Variants in TTC28 observed in about 807,000 individuals in gnomAD.
The protein encoded by TTC28 is tetratricopeptide repeat protein 28.
TTC28 carries 61 observed loss-of-function variants against 198.0 expected under a neutral mutation model. That is an observed-to-expected ratio of 0.31 (90% CI 0.25 to 0.38). The LOEUF is 0.38. Ranked by LOEUF, TTC28 falls within the 10% of genes least tolerant of loss-of-function variation. The pLI is 1.00. For missense variants in TTC28, 2,678 were observed against 3,164.0 expected (o/e 0.85, Z 3.69); for synonymous variants, 1,171 against 1,297.8 (o/e 0.90, Z 2.10).
chr22:28,492,701 TAA>T (rs1243457654), intron 2 of TTC28, among the ~76,000 whole-genome samples: 3 of 152,146 alleles, frequency 2.0e-5, no homozygotes, highest in African/African-American at 7.2e-5. Flanking sequence ...CAAGTGCCTC[TAA>T]AAAATGATGA....
intron 2 of TTC28, among the ~76,000 whole-genome samples, chr22:28,544,268 T>G (rs559039595): frequency 6.6e-6 from 1 of 152,048 alleles, no homozygotes; most frequent in Non-Finnish European, 1.5e-5. Flanking sequence ...CTTGCATTCC[T>G]AGAATATTTC....
At chr22:28,474,623 G>A (rs1185608403) in intron 2 of TTC28, among the ~76,000 whole-genome samples, 1 of 152,190 alleles carries the variant, frequency 6.6e-6, no homozygotes, top group Non-Finnish European at 1.5e-5. Flanking sequence ...AGGCAGAAAA[G>A]TAGAAGAGTT....
intron 5 of TTC28, among the ~76,000 whole-genome samples, chr22:28,275,626 G>GA (rs1490722951): frequency 6.6e-6 from 1 of 151,232 alleles, no homozygotes; most frequent in Non-Finnish European, 1.5e-5. Flanking sequence ...TCTCTTTTAT[G>GA]AAAAAACATA....
intron 1 of TTC28, among the ~76,000 whole-genome samples, chr22:28,659,897 G>T (rs979151299): frequency 6.6e-6 from 1 of 150,944 alleles, no homozygotes; most frequent in Non-Finnish European, 1.5e-5. Context: ...CTCCTGGGCC[G>T]AACTGATCCT....
At chr22:28,316,887 C>T (rs1202890647) in intron 2 of TTC28, among the ~76,000 whole-genome samples, 1 of 152,142 alleles carries the variant, frequency 6.6e-6, no homozygotes, top group Non-Finnish European at 1.5e-5. Context: ...CCACTTAAGC[C>T]TCCTGCATAG....
intron 2 of TTC28, among the ~76,000 whole-genome samples, chr22:28,395,645 A>C (rs2046803862): frequency 6.6e-6 from 1 of 151,704 alleles, no homozygotes. Context: ...CAAAAAAAAA[A>C]AAACCAGCAA....
At chr22:28,254,476 G>A (rs1015280613) in intron 5 of TTC28, among the ~76,000 whole-genome samples, 1 of 145,042 alleles carries the variant, frequency 6.9e-6, no homozygotes. Context: ...TGTTTATTCA[G>A]GAATACTTAA....
At chr22:28,533,660 T>C (rs1479652048) in intron 2 of TTC28, among the ~76,000 whole-genome samples, 5 of 152,176 alleles carry the variant, frequency 3.3e-5, no homozygotes, top group African/African-American at 1.2e-4. Flanking sequence ...CTTCAAACTA[T>C]ACTACAAGGC....
intron 12 of TTC28, among the ~76,000 whole-genome samples, chr22:28,054,744 A>G (rs1298878311): frequency 1.3e-5 from 2 of 152,070 alleles, no homozygotes; most frequent in African/African-American, 4.8e-5. Flanking sequence ...GACAACCCAC[A>G]TCTTTCCCCA....
At chr22:28,135,523 G>C (rs987878378) in intron 6 of TTC28, among the ~76,000 whole-genome samples, 9 of 152,158 alleles carry the variant, frequency 5.9e-5, no homozygotes, top group Admixed American at 1.3e-4. Flanking sequence ...TGGCAGACAG[G>C]AGAAGGAGTT....
intron 6 of TTC28, among the ~76,000 whole-genome samples, chr22:28,138,154 A>T (rs1413405703): frequency 6.6e-6 from 1 of 152,176 alleles, no homozygotes; most frequent in Non-Finnish European, 1.5e-5. Flanking sequence ...CTCCTTAAAC[A>T]CTTTCTAACA....
intron 5 of TTC28, among the ~76,000 whole-genome samples, chr22:28,219,025 C>CT (rs1927632787): frequency 6.6e-6 from 1 of 151,868 alleles, no homozygotes; most frequent in Non-Finnish European, 1.5e-5. Flanking sequence ...CATGGATTCC[C>CT]TGAAAGGATC....
Position 28,094,780 on chromosome 22 carries a change from G to A in TTC28, c.3767-535C>T, listed in dbSNP as rs1237432926. On this transcript the variant is annotated intron_variant, in intron 11 of 22. Transcript: ENST00000397906. ...GACTAACTGGTCAATGGTCATTAATGAATTAAAGGAGCAAAAAATGATGGG... is the reference window on the plus strand; with the variant it reads ...GACTAACTGGTCAATGGTCATTAATAAATTAAAGGAGCAAAAAATGATGGG... 2.0e-5 allele frequency among the ~76,000 whole-genome samples: 3 copies of A among 152,136 alleles called. No individual in the cohort carries two copies. In the East Asian group the frequency reaches 5.8e-4, roughly 29 times the overall value.
intron 5 of TTC28, among the ~76,000 whole-genome samples, chr22:28,179,431 A>C (rs1231711546): frequency 6.6e-6 from 1 of 152,052 alleles, no homozygotes; most frequent in African/African-American, 2.4e-5. Context: ...AAGTGTTGGG[A>C]TTAAAGGCAT....
intron 12 of TTC28, among the ~76,000 whole-genome samples, chr22:28,060,509 G>A (rs1940480622): frequency 6.6e-6 from 1 of 152,162 alleles, no homozygotes; most frequent in Non-Finnish European, 1.5e-5. Flanking sequence ...CTGGACATCT[G>A]GGTTGTTTCC....
intron 2 of TTC28, among the ~76,000 whole-genome samples, chr22:28,474,453 T>C (rs2048135778): frequency 1.3e-5 from 2 of 152,188 alleles, no homozygotes; most frequent in African/African-American, 2.4e-5. Flanking sequence ...AGAAGACTCC[T>C]CCCTCTTATT....
intron 2 of TTC28, among the ~76,000 whole-genome samples, chr22:28,312,484 A>G (rs1218363958): frequency 1.3e-5 from 2 of 152,204 alleles, no homozygotes; most frequent in East Asian, 3.8e-4. Flanking sequence ...CAGCAAATAT[A>G]AAAGAACAGA....
At chr22:27,999,331 G>A (rs1444331948) in intron 15 of TTC28, 71 bp from the exon 16 acceptor site, 5 of 1,477,234 alleles carry the variant, frequency 3.4e-6, no homozygotes, top group African/African-American at 1.4e-5. Context: ...GTGGTCGGCC[G>A]AGCACAGGGA....
chr22:28,096,655 C>A (rs1245501647), intron 10 of TTC28, among the ~76,000 whole-genome samples: 1 of 152,142 alleles, frequency 6.6e-6, no homozygotes, highest in Non-Finnish European at 1.5e-5. Context: ...GCCAGCGCCA[C>A]AAAAGAGCTG....
Sources: allele counts gnomAD v4.1 joint callset (sites outside exome capture counted in the v4.1 genomes callset), GRCh38; gene constraint gnomAD v4.1.1; transcripts MANE v1.5; gene names NCBI Gene and HGNC (gene_info 2026-07-23, HGNC 2026-07-21).